RNF150: variants seen among roughly 807,000 people sequenced by gnomAD.
RNF150 encodes the protein ring finger protein 150.
A neutral mutation model predicts 39.3 loss-of-function variants in RNF150; 24 were observed. That is an observed-to-expected ratio of 0.61 (90% CI 0.44 to 0.86). The LOEUF (loss-of-function observed/expected upper bound fraction) is 0.86, where lower values mean the gene tolerates loss of function less well. RNF150 is among the 40% of genes least tolerant of loss of function. RNF150 has a pLI of 0.00. For missense variants in RNF150, 502 were observed against 587.8 expected, an observed-to-expected ratio of 0.85 and a Z score of 1.51; for synonymous variants, 255 against 227.3, an observed-to-expected ratio of 1.12 and a Z score of -1.10.
chr4:141,019,606 A>G (rs1225363582), intron 1 of RNF150, among the ~76,000 whole-genome samples: 1 of 152,140 alleles, frequency 6.6e-6, no homozygotes, highest in Non-Finnish European at 1.5e-5. Flanking sequence ...TTCTCAGCAT[A>G]TGTTTAAGAA....
At chr4:140,885,201 CT>C (rs752444379) in intron 6 of RNF150, among the ~76,000 whole-genome samples, 2,510 of 129,064 alleles carry the variant, frequency 0.019, 20 homozygotes, top group African/African-American at 0.038. Flanking sequence ...CAACATCAGT[CT>C]TTTTTTTTTT....
intron 1 of RNF150, among the ~76,000 whole-genome samples, chr4:141,079,484 C>A (rs2110974780): frequency 6.6e-6 from 1 of 152,208 alleles, no homozygotes; most frequent in East Asian, 1.9e-4. Context: ...TTATGTGACC[C>A]TGGGCGAGTT....
chr4:140,963,025 T>C (rs1452642289), intron 2 of RNF150, among the ~76,000 whole-genome samples: 2 of 152,004 alleles, frequency 1.3e-5, no homozygotes, highest in East Asian at 3.9e-4. Flanking sequence ...TATATATAGA[T>C]AGAATTAAAA....
At chr4:141,119,071 G>A (rs1008366552) in intron 1 of RNF150, among the ~76,000 whole-genome samples, 4 of 152,060 alleles carry the variant, frequency 2.6e-5, no homozygotes, top group African/African-American at 4.8e-5. Flanking sequence ...ATATACACAC[G>A]AGATTAAATT....
chr4:141,061,274 T>G (rs1219352075), intron 1 of RNF150, among the ~76,000 whole-genome samples: 1 of 152,224 alleles, frequency 6.6e-6, no homozygotes, highest in African/African-American at 2.4e-5. Flanking sequence ...AATTTTCATT[T>G]TTTATGACTG....
At chr4:140,932,367 A>T (rs1012780697) in intron 4 of RNF150, among the ~76,000 whole-genome samples, 1 of 152,252 alleles carries the variant, frequency 6.6e-6, no homozygotes, top group Non-Finnish European at 1.5e-5. Flanking sequence ...GGCATGTTAC[A>T]TACATAATTA....
At chr4:140,981,436 C>A (rs781384617) in intron 1 of RNF150, among the ~76,000 whole-genome samples, 3 of 152,124 alleles carry the variant, frequency 2.0e-5, no homozygotes, top group Admixed American at 6.6e-5. Context: ...TATCAGAAAG[C>A]AAAGGTGTCA....
intron 1 of RNF150, among the ~76,000 whole-genome samples, chr4:141,030,953 G>T (rs1202166836): frequency 2.0e-5 from 3 of 152,014 alleles, no homozygotes; most frequent in Non-Finnish European, 2.9e-5. Context: ...TAAATTTTAT[G>T]TTATATGCTT....
intron 1 of RNF150, among the ~76,000 whole-genome samples, chr4:141,001,906 T>C (rs1734679949): frequency 6.6e-6 from 1 of 152,122 alleles, no homozygotes; most frequent in Non-Finnish European, 1.5e-5. Context: ...TAACAATTAT[T>C]TTAAGCAGTT....
At chr4:141,152,707 CT>C (rs1384116208) in intron 1 of RNF150, among the ~76,000 whole-genome samples, 2 of 152,138 alleles carry the variant, frequency 1.3e-5, no homozygotes, top group African/African-American at 4.8e-5. Flanking sequence ...GTACTAACCA[CT>C]TCTGGGGGAT....
intron 1 of RNF150, among the ~76,000 whole-genome samples, chr4:141,178,903 C>T (rs1560769926): frequency 6.9e-6 from 1 of 143,950 alleles, no homozygotes; most frequent in Admixed American, 6.7e-5. Flanking sequence ...AATGCTGGCT[C>T]TTCATTTGAC....
At chr4:141,149,262 T>C (rs1044693252) in intron 1 of RNF150, among the ~76,000 whole-genome samples, 2 of 152,170 alleles carry the variant, frequency 1.3e-5, no homozygotes, top group African/African-American at 4.8e-5. Flanking sequence ...AATAGGTTTT[T>C]GGGGAACAGG....
chr4:141,001,303 CTCT>C (rs1453395253), intron 1 of RNF150, among the ~76,000 whole-genome samples: 1 of 151,992 alleles, frequency 6.6e-6, no homozygotes, highest in African/African-American at 2.4e-5. Context: ...ATGTATACCT[CTCT>C]TCTTCATCAT....
At chr4:140,913,438 C>T (rs1008828604) in intron 5 of RNF150, among the ~76,000 whole-genome samples, 3 of 152,172 alleles carry the variant, frequency 2.0e-5, no homozygotes, top group Admixed American at 2.0e-4. Flanking sequence ...ACTCCCTCCT[C>T]TCAACACTGT....
rs1036480284 is a variant in RNF150, at chr4:141,132,856, C to G, written c.-48G>C. On this transcript the variant is annotated 5_prime_UTR_variant, in exon 1 of 7. Transcript: ENST00000515673. This position sits in a 1 kb window ranked among gnomAD's most constrained non-coding sequence, Gnocchi z 4.9. ...CCCGCCCCCGCGCCCTCCCTCCGTC[C>G]CGTCCCTCCTCCCCAGCCCCGGCCA... The G allele has an allele frequency of 1.4e-5, 21 of 1,502,220 alleles. No individual in the cohort carries two copies. The highest frequency in any genetic ancestry group is 1.9e-5 in the Non-Finnish European group (21 of 1,091,932). The allele number at this position is 1,502,220 out of a possible 1,614,324, so 93.1% of individuals were successfully genotyped here. A position where few individuals can be genotyped will look rare whatever the true frequency, so the allele number is the denominator to read the frequency against.
chr4:141,117,355 G>C (rs774754581), intron 1 of RNF150, among the ~76,000 whole-genome samples: 1 of 151,968 alleles, frequency 6.6e-6, no homozygotes, highest in Non-Finnish European at 1.5e-5. Context: ...AGTGTATTAG[G>C]CCCTATTTTT....
At chr4:141,203,938 A>G (rs1333224509) in intron 1 of RNF150, among the ~76,000 whole-genome samples, 1 of 152,082 alleles carries the variant, frequency 6.6e-6, no homozygotes, top group Non-Finnish European at 1.5e-5. Flanking sequence ...TGGAAAGATG[A>G]GTAGGACCCA....
At chr4:141,081,153 G>A (rs9884674) in intron 1 of RNF150, among the ~76,000 whole-genome samples, 114,383 of 152,146 alleles carry the variant, frequency 0.75, 43,582 homozygotes, top group East Asian at 1. Context: ...CAGGGCTAAG[G>A]ACATGTCTGC....
At position 141,194,875 on chromosome 4, in the gene RNF150, C is replaced by T. The variant is rs901188293; in HGVS notation, c.-6+17919G>A. ...TCATCTTGTGCTTCAGTTGCCTGCT[C>T]GGAAAAATGGGATAATAGTGGTATC... On this transcript the variant is annotated intron_variant, in intron 1 of 7. Transcript: ENST00000420921. Among the ~76,000 whole-genome samples the T allele has an allele frequency of 4.6e-5, 7 of 152,120 alleles. No individual in the cohort carries two copies. In the South Asian group the frequency reaches 6.2e-4, roughly 14 times the overall value.
Sources: allele counts gnomAD v4.1 joint callset (sites outside exome capture counted in the v4.1 genomes callset), GRCh38; gene constraint gnomAD v4.1.1; non-coding constraint Gnocchi (gnomAD v3.1); transcripts MANE v1.5; gene names NCBI Gene and HGNC (gene_info 2026-07-23, HGNC 2026-07-21).